SMS: variants seen among roughly 807,000 people sequenced by gnomAD.
SMS encodes spermine synthase.
In SMS, 3 loss-of-function variants were observed where a neutral mutation model predicts 33.0. The observed-to-expected ratio is 0.09, with a 90% CI of 0.04 to 0.23. The LOEUF is 0.23. Among genes scored for constraint, SMS ranks in the 10% least tolerant of loss-of-function variants. The probability of loss-of-function intolerance (pLI) is 1.00; values close to 1 mark genes in which losing one functional copy is unlikely to be tolerated. For missense variants in SMS, 117 were observed against 288.6 expected (o/e 0.41, Z 4.31); for synonymous variants, 103 against 112.2 (o/e 0.92, Z 0.52).
intron 10 of SMS, among the ~76,000 whole-genome samples, chrX:21,993,908 T>TCCCTCTCCTCCTCCTG (rs1925921947): frequency 2.8e-5 from 3 of 107,581 alleles, no homozygotes; most frequent in Admixed American, 2.0e-4. Flanking sequence ...TCCTCCTCCT[T>TCCCTCTCCTCCTCCTG]CCCTCTCCTC....
chrX:21,981,871 C>CAAGTCAGATTAG (rs754938200), intron 7 of SMS, among the ~76,000 whole-genome samples: 10 of 110,987 alleles, frequency 9.0e-5, no homozygotes, highest in Non-Finnish European at 1.7e-4. Flanking sequence ...TTGTCATTAC[C>CAAGTCAGATTAG]AAGCCAAAAG....
At chrX:21,950,817 G>C (rs1003044614) in intron 1 of SMS, among the ~76,000 whole-genome samples, 2 of 111,893 alleles carry the variant, frequency 1.8e-5, no homozygotes, top group Non-Finnish European at 3.8e-5. Flanking sequence ...TGGTGTATAT[G>C]TGCCACATTT....
intron 1 of SMS, among the ~76,000 whole-genome samples, chrX:21,946,263 G>C (rs373390612): frequency 8.9e-6 from 1 of 112,218 alleles, no homozygotes; most frequent in Non-Finnish European, 1.9e-5. Context: ...GAGACAGCCC[G>C]TTCCTTTTAG....
At chrX:21,981,122 A>T (rs1029498818) in intron 7 of SMS, among the ~76,000 whole-genome samples, 3 of 111,028 alleles carry the variant, frequency 2.7e-5, no homozygotes, top group African/African-American at 9.8e-5. Flanking sequence ...GGAGTTGGAG[A>T]ACAGCCTGGT....
chrX:21,959,908 G>A, intron 1 of SMS: 1 of 754,019 alleles, frequency 1.3e-6, no homozygotes. Context: ...TGGAGAGAGT[G>A]CAGATCCCTG....
chrX:21,944,960 C>CA (rs1922110275), intron 1 of SMS, among the ~76,000 whole-genome samples: 1 of 112,012 alleles, frequency 8.9e-6, no homozygotes, highest in Admixed American at 9.5e-5. Flanking sequence ...GCCTGGGCGA[C>CA]AGAGAGACTG....
intron 1 of SMS, among the ~76,000 whole-genome samples, chrX:21,944,140 G>C (rs1007883957): frequency 3.6e-5 from 4 of 110,786 alleles, no homozygotes; most frequent in African/African-American, 1.3e-4. Flanking sequence ...TGGTGGTGCT[G>C]GTTTAGTGTT....
chrX:21,990,593 G>A (rs1682956700), intron 9 of SMS, among the ~76,000 whole-genome samples: 1 of 112,794 alleles, frequency 8.9e-6, no homozygotes, highest in South Asian at 3.5e-4. Flanking sequence ...TTTGTGGTGT[G>A]TGTTTTCTTC....
intron 1 of SMS, among the ~76,000 whole-genome samples, chrX:21,952,901 A>G (rs760048456): frequency 5.7e-5 from 6 of 106,025 alleles, no homozygotes; most frequent in African/African-American, 1.7e-4. Context: ...TGGGACTACA[A>G]CAGGTACGCA....
chrX:21,986,775 A>G (rs1181116272), intron 9 of SMS, among the ~76,000 whole-genome samples: 1 of 111,962 alleles, frequency 8.9e-6, no homozygotes, highest in Non-Finnish European at 1.9e-5. Context: ...ATGTTTGTAA[A>G]GTTTTCTTGG....
In SMS at chrX:21,944,865, G is replaced by A. The variant is rs1456992476; in HGVS notation, c.49+3992G>A. Among the ~76,000 whole-genome samples the A allele has an allele frequency of 2.7e-5, 3 of 111,570 alleles. No individual in the cohort carries two copies. The East Asian group carries it at 8.4e-4, about 31-fold the overall frequency. On this transcript the variant is annotated intron_variant, in intron 1 of 10. Coordinates refer to ENST00000404933, the MANE Select transcript of SMS (RefSeq NM_004595.5). ...TTGGTGGCCTGTGTCTGTAGTCCCA[G>A]CTACTCTGGAGGCTGAGGCAAGAGA...
intron 9 of SMS, among the ~76,000 whole-genome samples, chrX:21,986,117 G>A (rs185616293): frequency 1.8e-5 from 2 of 110,407 alleles, no homozygotes; most frequent in African/African-American, 6.6e-5. Context: ...GGGAGGCCGA[G>A]GCAGTTGGAT....
At chrX:21,961,068 G>T (rs1482853876) in intron 1 of SMS, among the ~76,000 whole-genome samples, 2 of 84,621 alleles carry the variant, frequency 2.4e-5, no homozygotes, top group Non-Finnish European at 4.4e-5. Context: ...TTGGTGCCAG[G>T]TTCGATTTTG....
intron 1 of SMS, among the ~76,000 whole-genome samples, chrX:21,966,629 T>A (rs1923742350): frequency 9.0e-6 from 1 of 111,553 alleles, no homozygotes; most frequent in Non-Finnish European, 1.9e-5. Flanking sequence ...TTCTACCATT[T>A]AGAGCTATGT....
At chrX:21,964,090 A>G in intron 1 of SMS, among the ~76,000 whole-genome samples, 1 of 107,642 alleles carries the variant, frequency 9.3e-6, no homozygotes, top group Non-Finnish European at 1.9e-5. Context: ...GTGAAGTAGA[A>G]TTCAGTCTTA....
At chrX:21,969,160 A>C (rs1490990125) in intron 2 of SMS, among the ~76,000 whole-genome samples, 2 of 111,295 alleles carry the variant, frequency 1.8e-5, no homozygotes, top group East Asian at 2.8e-4. Flanking sequence ...TATTCTCTCT[A>C]TAAGTCTCCA....
At chrX:21,988,528 G>A (rs751154252) in intron 9 of SMS, among the ~76,000 whole-genome samples, 5 of 109,611 alleles carry the variant, frequency 4.6e-5, no homozygotes, top group African/African-American at 1.3e-4. Flanking sequence ...AGCCGGGCGC[G>A]GTGGCAGACG....
chrX:21,950,690 TGTG>T (rs1317537805), intron 1 of SMS, among the ~76,000 whole-genome samples: 1 of 109,021 alleles, frequency 9.2e-6, no homozygotes. Flanking sequence ...AGTGAGAACA[TGTG>T]GTGTTTGGTT....
At chrX:21,954,705 C>A (rs1333423515) in intron 1 of SMS, among the ~76,000 whole-genome samples, 4 of 111,698 alleles carry the variant, frequency 3.6e-5, no homozygotes, top group African/African-American at 1.3e-4. Flanking sequence ...ACATGTGTAT[C>A]AAGTACGGTC....
Sources: gnomAD v4.1 joint callset for allele counts (sites outside exome capture counted in the v4.1 genomes callset) on GRCh38, gnomAD v4.1.1 for gene constraint, MANE v1.5 for transcripts, NCBI Gene and HGNC (gene_info 2026-07-23, HGNC 2026-07-21) for gene names.